Variants in ZNF850 observed in about 807,000 individuals in gnomAD.
ZNF850 encodes the protein zinc finger protein 850.
ZNF850 carries 2 observed loss-of-function variants against 11.9 expected under a neutral mutation model. The ratio of observed to expected loss-of-function variants is 0.17; its 90% CI spans 0.07 to 0.53. ZNF850 has a LOEUF of 0.53. Among genes scored for constraint, ZNF850 ranks in the 20% least tolerant of loss-of-function variants. The pLI, the probability that ZNF850 is intolerant of heterozygous loss-of-function variation, is 0.94. For synonymous variants in ZNF850, 381 were observed against 443.0 expected (o/e 0.86, Z 1.76); for missense variants, 1,014 against 1,316.4 (o/e 0.77, Z 3.55).
Position 36,747,811 on chromosome 19 carries a change from G to A in ZNF850, c.3229C>T (p.Leu1077Phe), listed in dbSNP as rs1162409991. 6.4e-7 allele frequency: 1 copy of A among 1,563,936 alleles called. No individual in the cohort carries two copies. The highest frequency in any genetic ancestry group is 1.2e-5 in the South Asian group (1 of 86,014). Residue 1077 changes from leucine to phenylalanine, a missense_variant, in exon 5 of 5, where the codon CTT (leucine) becomes TTT (phenylalanine). By Grantham distance (22) the Leu-to-Phe change is conservative. Around this residue, in one of 2 missense-constraint regions of ZNF850, gnomAD observed 179 missense variants for 294.4 expected, o/e 0.61. Coordinates refer to ENST00000591344, the MANE Select transcript of ZNF850 (RefSeq NM_001193552.2). ...CTCTGATGTCGAGTAAGCTGTGTAAGCTGTTTAAAGGCCTTCCCACATGTC... is the reference window on the plus strand; with the variant it reads ...CTCTGATGTCGAGTAAGCTGTGTAAACTGTTTAAAGGCCTTCCCACATGTC... ...CKTCGKAFKQ[L>F]TQLTRHQRIH...
rs957177429 is a variant in ZNF850, at chr19:36,750,744, G to T, written c.296C>A (p.Thr99Lys). 1 of 1,532,400 alleles carries T rather than the reference G, an allele frequency of 6.5e-7. No homozygotes were observed. Among genetic ancestry groups the T allele is most frequent in the Non-Finnish European group, 8.7e-7 (1 of 1,144,842 alleles). 94.9% of individuals were successfully genotyped at this position (1,532,400 alleles called of 1,614,324 possible). A position where few individuals can be genotyped will look rare whatever the true frequency, so the allele number is the denominator to read the frequency against. ...TTCCATTCTCACCCACTGAGATGAT[G>T]TTACTTCATAGATTTCTTTTGGCAA... Reference protein sequence around the residue: ...SCLPKEIYEVTSSQWVRMEKC... With the variant: ...SCLPKEIYEVKSSQWVRMEKC... Residue 99 changes from threonine to lysine, a missense_variant, in exon 5 of 5, where the codon ACA becomes AAA. Physicochemically the swap from Thr to Lys is moderately conservative, Grantham distance 78. Transcript: ENST00000591344.
Position 36,747,841 on chromosome 19 carries a change from A to C in ZNF850, c.3199T>G (p.Cys1067Gly), listed in dbSNP as rs770998923. The C allele has an allele frequency of 1.1e-5, 18 of 1,580,328 alleles. No individual in the cohort carries two copies. The highest frequency in any genetic ancestry group is 1.3e-5 in the Non-Finnish European group (15 of 1,166,768). Residue 1067 changes from cysteine to glycine, a missense_variant, in exon 5 of 5, where the codon TGT (cysteine) becomes GGT (glycine). Cys to Gly is a radical substitution (Grantham distance 159). Coordinates refer to ENST00000591344, the MANE Select transcript of ZNF850 (RefSeq NM_001193552.2). ...TTAAAGGCCTTCCCACATGTCTTAC[A>C]TTCATAGGGTTTCTCGCCAGTGTGA... The part of the protein sequence containing the change: ...SVHTGEKPYE[C>G]KTCGKAFKQL...
At chr19:36,769,261 CAAAAA>C (rs74174432) in intron 1 of ZNF850, among the ~76,000 whole-genome samples, 1 of 51,554 alleles carries the variant, frequency 1.9e-5, no homozygotes, top group African/African-American at 8.9e-5. Context: ...AAGACTGTCT[CAAAAA>C]AAAAAAAAAA....
chr19:36,754,856 A>G (rs1395790541), intron 4 of ZNF850, among the ~76,000 whole-genome samples: 3 of 152,228 alleles, frequency 2.0e-5, no homozygotes, highest in Admixed American at 2.0e-4. Flanking sequence ...CGCACGGCTG[A>G]TTGTGGGAGA....
chr19:36,748,126 G>GA lies in ZNF850; in HGVS notation c.2913dup (p.Gln972SerfsTer7). On this transcript the variant is annotated frameshift_variant, in exon 5 of 5. Coordinates refer to ENST00000591344, the MANE Select transcript of ZNF850 (RefSeq NM_001193552.2). LOFTEE classifies it low-confidence loss of function (END_TRUNC). ...GGTCTGTCACCGGTATGAATTCTCT[G>GA]ATGTAGAGTAAGGTGTGTACGCTGT... The GA allele has an allele frequency of 6.5e-7, 1 of 1,550,142 alleles. No homozygotes were observed.
In ZNF850 at chr19:36,748,627, G is replaced by C. The variant is rs756265655; in HGVS notation, c.2413C>G (p.Pro805Ala). Residue 805 changes from proline to alanine, a missense_variant, in exon 5 of 5, where the codon CCA (proline) becomes GCA (alanine). This residue lies in a region of ZNF850 where 835 missense variants were observed against 1,022.0 expected (regional missense o/e 0.82). Coordinates refer to ENST00000591344, the MANE Select transcript of ZNF850 (RefSeq NM_001193552.2). Reference sequence around the variant, plus strand: ...TAAGGTTTCTCACCAGTGTGAAGTGGCTGATGTTGAATTAGTGTTGAATGA... The same window carrying C: ...TAAGGTTTCTCACCAGTGTGAAGTGCCTGATGTTGAATTAGTGTTGAATGA... ...TSHSTLIQHQ[P>A]LHTGEKPYHC... The C allele has an allele frequency of 1.9e-4, 290 of 1,536,898 alleles. No homozygotes were observed. The highest frequency in any genetic ancestry group is 3.2e-5 in the Non-Finnish European group (37 of 1,146,880).
Position 36,750,199 on chromosome 19 carries a change from A to C in ZNF850, c.841T>G (p.Tyr281Asp), listed in dbSNP as rs564264478. The C allele has an allele frequency of 6.5e-7, 1 of 1,539,100 alleles. No individual in the cohort carries two copies. Among genetic ancestry groups the C allele is most frequent in the Non-Finnish European group, 8.7e-7 (1 of 1,146,956 alleles). The part of the protein sequence containing the change: ...HWRIHTGDKP[Y>D]ECKECGKSFT... The stretch of plus-strand genomic sequence containing the variant: ...GATTTCCCACATTCTTTACATTCAT[A>C]AGGTTTGTCACCAGTATGAATTCTC... The change falls in exon 5 of 5, where the codon TAT becomes GAT. Residue 281 changes from tyrosine to aspartate, a missense_variant. Around this residue, in one of 2 missense-constraint regions of ZNF850, gnomAD observed 835 missense variants for 1,022.0 expected, o/e 0.82. Transcript: ENST00000591344.
intron 4 of ZNF850, among the ~76,000 whole-genome samples, chr19:36,756,985 G>A (rs539376847): frequency 7.9e-5 from 12 of 152,160 alleles, no homozygotes; most frequent in Non-Finnish European, 1.6e-4. Context: ...GTATATATCA[G>A]AATTAGCTAC....
At chr19:36,769,635 G>A (rs1197588986) in intron 1 of ZNF850, among the ~76,000 whole-genome samples, 3 of 152,088 alleles carry the variant, frequency 2.0e-5, no homozygotes, top group Admixed American at 1.3e-4. Flanking sequence ...AAAATTCAGC[G>A]ATGGAGTTGA....
At chr19:36,760,922 A>G (rs1030902636) in intron 4 of ZNF850, among the ~76,000 whole-genome samples, 9 of 152,148 alleles carry the variant, frequency 5.9e-5, no homozygotes, top group Non-Finnish European at 8.8e-5. Flanking sequence ...TCAAAGGAAA[A>G]CTAGACAAGA....
At chr19:36,759,734 T>C (rs2040507206) in intron 4 of ZNF850, among the ~76,000 whole-genome samples, 1 of 152,204 alleles carries the variant, frequency 6.6e-6, no homozygotes, top group Non-Finnish European at 1.5e-5. Context: ...AAAAAAAATT[T>C]TTTTGTAATG....
In ZNF850 at chr19:36,750,033, G is replaced by T. The variant is rs781115185; in HGVS notation, c.1007C>A (p.Pro336Gln). 6.5e-7 allele frequency: 1 copy of T among 1,543,004 alleles called. No individual in the cohort carries two copies. The highest frequency in any genetic ancestry group is 8.7e-7 in the Non-Finnish European group (1 of 1,148,052). Residue 336 changes from proline (P) to glutamine (Q), a missense_variant, in exon 5 of 5, where the codon CCG becomes CAG. Pro to Gln is a moderately conservative substitution (Grantham distance 76). This residue lies in a region of ZNF850 where 835 missense variants were observed against 1,022.0 expected (regional missense o/e 0.82). Coordinates refer to ENST00000591344, the MANE Select transcript of ZNF850 (RefSeq NM_001193552.2). The stretch of plus-strand genomic sequence containing the variant: ...TTTTCCACATTCCTTACAATCATAC[G>T]GTTTCTCACCAGTGTGAATTTGCTG... ...RHQQIHTGEK[P>Q]YDCKECGKSF...
chr19:36,767,756 A>G lies in ZNF850; in HGVS notation c.-70+4969T>C, dbSNP rs551476640. 2.0e-5 allele frequency among the ~76,000 whole-genome samples: 3 copies of G among 151,662 alleles called. No individual in the cohort carries two copies. In the East Asian group the frequency reaches 5.8e-4, roughly 29 times the overall value. ...AAAAGAAAAAAGAAAATAAAAAAGA[A>G]CTTTTATTTGGGGGAAAAAAAAAAG... On this transcript the variant is annotated intron_variant, in intron 1 of 4. Coordinates refer to ENST00000591344, the MANE Select transcript of ZNF850 (RefSeq NM_001193552.2).
In ZNF850 at chr19:36,749,738, T is replaced by C; in HGVS notation, c.1302A>G (p.Ser434=). The change falls in exon 5 of 5, where the codon TCA becomes TCG. Residue 434 remains serine, a synonymous_variant. Coordinates refer to ENST00000591344, the MANE Select transcript of ZNF850 (RefSeq NM_001193552.2). The part of the protein sequence containing the change: ...KECGKSFTAG[S]TLIQHQRIHT... ...GAATTCGCTGATGTTGAATTAGTGT[T>C]GAGCCAGCAGTAAAAGATTTTCCAC... 1 of 1,556,524 alleles carries C rather than the reference T, an allele frequency of 6.4e-7. No individual in the cohort carries two copies. The highest frequency in any genetic ancestry group is 8.7e-7 in the Non-Finnish European group (1 of 1,152,904).
intron 4 of ZNF850, among the ~76,000 whole-genome samples, chr19:36,757,394 A>C (rs1334019635): frequency 2.0e-5 from 3 of 152,160 alleles, no homozygotes; most frequent in Non-Finnish European, 4.4e-5. Flanking sequence ...TAAATAAATG[A>C]AAAAATGAAT....
Position 36,748,567 on chromosome 19 carries a change from G to T in ZNF850, c.2473C>A (p.Arg825Ser). ...CKECGKSFTL[R>S]SALIQHRPVH... is the part of the protein sequence containing the mutation. Reference sequence around the variant, plus strand: ...GGCCGATGTTGAATTAGTGCTGAGCGAAGAGTAAAAGATTTCCCACATTCC... The same window carrying T: ...GGCCGATGTTGAATTAGTGCTGAGCTAAGAGTAAAAGATTTCCCACATTCC... Residue 825 changes from arginine to serine, a missense_variant, in exon 5 of 5, where the codon CGC becomes AGC. Around this residue, in one of 2 missense-constraint regions of ZNF850, gnomAD observed 835 missense variants for 1,022.0 expected, o/e 0.82. Coordinates refer to ENST00000591344, the MANE Select transcript of ZNF850 (RefSeq NM_001193552.2). The T allele has an allele frequency of 6.5e-7, 1 of 1,537,058 alleles. No individual in the cohort carries two copies. The highest frequency in any genetic ancestry group is 8.7e-7 in the Non-Finnish European group (1 of 1,146,928).
At position 36,746,877 on chromosome 19, in the gene ZNF850, G is replaced by A. The variant is rs1414823653; in HGVS notation, c.*890C>T. 6.6e-6 allele frequency: 1 copy of A among 152,022 alleles called. No individual in the cohort carries two copies. Among genetic ancestry groups the A allele is most frequent in the Admixed American group, 6.6e-5 (1 of 15,266 alleles). 9.4% of individuals were successfully genotyped at this position (152,022 alleles called of 1,614,324 possible). ...TTATAAAAAAACTATTACTAGCCAGGCGTGGTGGCTCACACCTGTAATCCC... is the reference window on the plus strand; with the variant it reads ...TTATAAAAAAACTATTACTAGCCAGACGTGGTGGCTCACACCTGTAATCCC... On this transcript the variant is annotated 3_prime_UTR_variant, in exon 5 of 5. Coordinates refer to ENST00000591344, the MANE Select transcript of ZNF850 (RefSeq NM_001193552.2).
intron 4 of ZNF850, among the ~76,000 whole-genome samples, chr19:36,751,827 T>G (rs961393949): frequency 6.6e-6 from 1 of 152,016 alleles, no homozygotes; most frequent in Non-Finnish European, 1.5e-5. Context: ...AACAATGTTA[T>G]TATTTAATAG....
chr19:36,760,873 A>G (rs765766813), intron 4 of ZNF850, among the ~76,000 whole-genome samples: 1 of 152,044 alleles, frequency 6.6e-6, no homozygotes, highest in Non-Finnish European at 1.5e-5. Context: ...TCAAAAAAAT[A>G]AAGTGAATGA....
Sources: allele counts gnomAD v4.1 joint callset (sites outside exome capture counted in the v4.1 genomes callset), GRCh38; gene constraint gnomAD v4.1.1; regional missense constraint gnomAD v4.1.1; transcripts MANE v1.5; gene names NCBI Gene and HGNC (gene_info 2026-07-23, HGNC 2026-07-21).